Variants in R3HDM2 observed in about 807,000 individuals in gnomAD.
The protein encoded by R3HDM2 is R3H domain containing 2, also known as R3H domain-containing protein 2.
Under a neutral mutation model 124.5 loss-of-function variants are expected in R3HDM2, and 38 were observed. The observed-to-expected ratio is 0.31, with a 90% CI of 0.24 to 0.40. R3HDM2 has a LOEUF of 0.40. Among genes scored for constraint, R3HDM2 ranks in the 10% least tolerant of loss-of-function variants. R3HDM2 has a pLI of 1.00. For synonymous variants in R3HDM2, 391 were observed against 448.0 expected, an observed-to-expected ratio of 0.87 and a Z score of 1.61; for missense variants, 869 against 1,236.9, an observed-to-expected ratio of 0.70 and a Z score of 4.46.
At chr12:57,397,287 G>A (rs190310062) in intron 1 of R3HDM2, among the ~76,000 whole-genome samples, 3 of 152,234 alleles carry the variant, frequency 2.0e-5, no homozygotes, top group Admixed American at 6.5e-5. Context: ...CCTGAGGGCT[G>A]GCTGTTTAAT....
intron 2 of R3HDM2, among the ~76,000 whole-genome samples, chr12:57,321,678 G>A (rs2056472003): frequency 6.6e-6 from 1 of 151,718 alleles, no homozygotes; most frequent in South Asian, 2.1e-4. Flanking sequence ...CAAAACAAAA[G>A]CATGGATGGA....
At position 57,255,040 on chromosome 12, in the gene R3HDM2, C is replaced by T. The variant is rs752490196; in HGVS notation, c.2706G>A (p.Thr902=). Reference sequence around the variant, plus strand: ...TCTTGGCGCCAGACATGGCGAGCTGCGTGAAGAGTTTGTCCGCCTCAGTAC... The same window carrying T: ...TCTTGGCGCCAGACATGGCGAGCTGTGTGAAGAGTTTGTCCGCCTCAGTAC... The part of the protein sequence containing the change: ...ITRTEADKLF[T]QLAMSGAKIQ... The change falls in exon 24 of 24, where the codon ACG becomes ACA. Residue 902 remains threonine, a synonymous_variant. Transcript: ENST00000402412. 10 of 1,613,468 alleles carry T rather than the reference C, an allele frequency of 6.2e-6. No individual in the cohort carries two copies. The highest frequency in any genetic ancestry group is 1.7e-5 in the Admixed American group (1 of 59,958).
At chr12:57,325,739 G>T (rs1457711044) in intron 2 of R3HDM2, among the ~76,000 whole-genome samples, 4 of 151,466 alleles carry the variant, frequency 2.6e-5, no homozygotes, top group Admixed American at 2.6e-4. Context: ...GTAGAGATGG[G>T]GGTCTCCCTA....
intron 1 of R3HDM2, among the ~76,000 whole-genome samples, chr12:57,421,933 T>C (rs1193811335): frequency 2.0e-5 from 3 of 151,776 alleles, no homozygotes; most frequent in African/African-American, 7.3e-5. Flanking sequence ...CCATCTCTAC[T>C]AAAAATACAA....
chr12:57,414,426 G>A (rs2069340367), intron 1 of R3HDM2, among the ~76,000 whole-genome samples: 1 of 136,880 alleles, frequency 7.3e-6, no homozygotes, highest in Non-Finnish European at 1.5e-5. Context: ...GGGAGGCAAA[G>A]TTGCAGTAAG....
intron 13 of R3HDM2, among the ~76,000 whole-genome samples, chr12:57,281,491 T>TCTGATGGGAGATAGACATCCACATGACAA: frequency 6.6e-6 from 1 of 151,896 alleles, no homozygotes; most frequent in Non-Finnish European, 1.5e-5. Flanking sequence ...CACAGGAACT[T>TCTGATGGGAGATAGACATCCACATGACAA]TTTTCTTTTT....
rs770107652 is a variant in R3HDM2, at chr12:57,280,369, T to C, written c.1333A>G (p.Met445Val). The change falls in exon 14 of 24, where the codon ATG becomes GTG. Residue 445 changes from methionine to valine, a missense_variant. Transcript: ENST00000402412. ...PQQQPPLNNHMISQADDLSNP... is the reference protein window; with the variant it reads ...PQQQPPLNNHVISQADDLSNP... ...GAGTGGTGACTCACCTGTGAGATCA[T>C]GTGATTATTCAAGGGTGGCTGTTGC... is the stretch of plus-strand genomic sequence containing the variant. The C allele has an allele frequency of 3.2e-5, 51 of 1,613,338 alleles. 1 individual carries two copies. In the South Asian group the frequency reaches 4.4e-4, roughly 14 times the overall value.
At chr12:57,427,793 G>A (rs1868309409) in intron 1 of R3HDM2, among the ~76,000 whole-genome samples, 1 of 151,630 alleles carries the variant, frequency 6.6e-6, no homozygotes, top group African/African-American at 2.4e-5. Context: ...GATAGCCAAG[G>A]GAATATCAGT....
intron 2 of R3HDM2, among the ~76,000 whole-genome samples, chr12:57,323,235 C>T (rs1205041244): frequency 1.3e-5 from 2 of 152,084 alleles, no homozygotes; most frequent in Non-Finnish European, 2.9e-5. Context: ...AGTATAACTG[C>T]GTGCCTGAAG....
At chr12:57,394,132 C>T (rs2067130996) in intron 2 of R3HDM2, among the ~76,000 whole-genome samples, 1 of 151,346 alleles carries the variant, frequency 6.6e-6, no homozygotes, top group Non-Finnish European at 1.5e-5. Context: ...CCCATCTCTA[C>T]TAAAAATACA....
At chr12:57,384,878 G>A (rs778052680) in intron 2 of R3HDM2, among the ~76,000 whole-genome samples, 2 of 152,098 alleles carry the variant, frequency 1.3e-5, no homozygotes, top group Non-Finnish European at 2.9e-5. Flanking sequence ...GCCAGGCGTG[G>A]TCGCTCACAC....
In R3HDM2 at chr12:57,414,486, TAAAAAAA is replaced by T. The variant is rs534205889; in HGVS notation, c.-106+16227_-106+16233del. Among the ~76,000 whole-genome samples, 466 of 66,626 alleles carry T rather than the reference TAAAAAAA, an allele frequency of 7.0e-3. 1 individual carries two copies. Among genetic ancestry groups the T allele is most frequent in the African/African-American group, 0.027 (392 of 14,258 alleles). 43.7% of individuals were successfully genotyped at this position (66,626 alleles called of 152,430 possible). On this transcript the variant is annotated intron_variant, in intron 1 of 23. Coordinates refer to ENST00000402412, the MANE Select transcript of R3HDM2 (RefSeq NM_001394031.1). ...GCCTGGGCAAAGAGAAAGACTCCAT[TAAAAAAA>T]AAAAAAAAAAAAAAAAACGAAAAAA...
chr12:57,386,289 T>G (rs1262891711), intron 2 of R3HDM2, among the ~76,000 whole-genome samples: 3 of 152,082 alleles, frequency 2.0e-5, no homozygotes, highest in Non-Finnish European at 4.4e-5. Flanking sequence ...GCCGGCTCCC[T>G]CAGCTTGCGG....
In R3HDM2 at chr12:57,256,044, C is replaced by T. The variant is rs2038889284; in HGVS notation, c.2578G>A (p.Gly860Ser). 2 of 1,614,054 alleles carry T rather than the reference C, an allele frequency of 1.2e-6. No individual in the cohort carries two copies. The highest frequency in any genetic ancestry group is 1.7e-6 in the Non-Finnish European group (2 of 1,180,004). ...GCAGATTTGAGTGCTTGTCTCTTGC[C>T]CCGGTTTCCATGCTTCAGTCCACTC... ...GQSGLKHGNRGKRQALKSAST... is the reference protein window; with the variant it reads ...GQSGLKHGNRSKRQALKSAST... Residue 860 changes from glycine to serine, a missense_variant, in exon 23 of 24, where the codon GGC becomes AGC. Physicochemically the swap from Gly to Ser is moderately conservative, Grantham distance 56. Coordinates refer to ENST00000402412, the MANE Select transcript of R3HDM2 (RefSeq NM_001394031.1).
intron 2 of R3HDM2, among the ~76,000 whole-genome samples, chr12:57,381,824 C>G (rs1164321309): frequency 2.0e-5 from 3 of 151,662 alleles, no homozygotes; most frequent in Admixed American, 6.6e-5. Flanking sequence ...GAGAGAGAGA[C>G]AGAGACATAA....
At chr12:57,273,308 C>CAA (rs933880709) in intron 14 of R3HDM2, among the ~76,000 whole-genome samples, 1 of 150,362 alleles carries the variant, frequency 6.7e-6, no homozygotes, top group Admixed American at 6.6e-5. Flanking sequence ...TCACTAGCCT[C>CAA]AAGCAGGAGG....
In R3HDM2 at chr12:57,349,471, A is replaced by AT. The variant is rs1486602693; in HGVS notation, c.-35-39009dup. ...TTGGCAACTAAATAGTGTTTGCAGC[A>AT]TTTTTATCATGCAGTTAATTCCATC... is the stretch of plus-strand genomic sequence containing the variant. On this transcript the variant is annotated intron_variant, in intron 2 of 23. Coordinates refer to ENST00000402412, the MANE Select transcript of R3HDM2 (RefSeq NM_001394031.1). 2.7e-5 allele frequency among the ~76,000 whole-genome samples: 4 copies of AT among 150,810 alleles called. No individual in the cohort carries two copies. In the South Asian group the frequency reaches 8.4e-4, roughly 32 times the overall value.
chr12:57,430,957 G>C lies in R3HDM2; in HGVS notation c.-343C>G, dbSNP rs1489874676. On this transcript the variant is annotated 5_prime_UTR_variant, in exon 1 of 24. Transcript: ENST00000402412. ...GGAAGAAAAGGGGGGAACCAAACCC[G>C]GAAAGGGAGAAAAGGGGGGAGGGGA... The C allele has an allele frequency of 6.9e-6, 1 of 144,700 alleles. No individual in the cohort carries two copies. Among genetic ancestry groups the C allele is most frequent in the Non-Finnish European group, 1.5e-5 (1 of 65,438 alleles). 9.0% of individuals were successfully genotyped at this position (144,700 alleles called of 1,614,324 possible).
intron 14 of R3HDM2, among the ~76,000 whole-genome samples, chr12:57,273,761 C>T (rs1056207399): frequency 6.6e-6 from 1 of 152,164 alleles, no homozygotes; most frequent in Non-Finnish European, 1.5e-5. Context: ...CCTCCCTCCA[C>T]ATTTAGAGCA....
Sources: gnomAD v4.1 joint callset for allele counts (sites outside exome capture counted in the v4.1 genomes callset) on GRCh38, gnomAD v4.1.1 for gene constraint, MANE v1.5 for transcripts, NCBI Gene and HGNC (gene_info 2026-07-23, HGNC 2026-07-21) for gene names.